Variants in MSH3 observed in about 807,000 individuals in gnomAD.
MSH3 encodes the protein DNA mismatch repair protein Msh3.
In MSH3, 106 loss-of-function variants were observed where a neutral mutation model predicts 123.3. The observed-to-expected ratio is 0.86, with a 90% CI of 0.73 to 1.01. The LOEUF (loss-of-function observed/expected upper bound fraction) is 1.01. MSH3 is among the 50% of genes least tolerant of loss of function. MSH3 has a pLI of 0.00. For missense variants in MSH3, 1,459 were observed against 1,347.6 expected (o/e 1.08, Z -1.29); for synonymous variants, 515 against 481.4 (o/e 1.07, Z -0.91).
intron 8 of MSH3, among the ~76,000 whole-genome samples, chr5:80,706,414 T>A (rs1750724820): frequency 6.6e-6 from 1 of 152,256 alleles, no homozygotes; most frequent in African/African-American, 2.4e-5. Flanking sequence ...TTGCTAGTCC[T>A]CTTCAGGATT....
At chr5:80,753,218 T>G (rs1461333333) in intron 12 of MSH3, among the ~76,000 whole-genome samples, 1 of 152,048 alleles carries the variant, frequency 6.6e-6, no homozygotes, top group African/African-American at 2.4e-5. Context: ...TTCCAGCACA[T>G]CTTGCATTAG....
intron 8 of MSH3, among the ~76,000 whole-genome samples, chr5:80,711,234 C>T (rs1435006635): frequency 6.6e-6 from 1 of 152,160 alleles, no homozygotes; most frequent in Non-Finnish European, 1.5e-5. Context: ...ATGGAGTTCC[C>T]ATAGTGGGGA....
chr5:80,659,162 A>T (rs1048441889), intron 2 of MSH3, among the ~76,000 whole-genome samples: 3 of 151,780 alleles, frequency 2.0e-5, no homozygotes, highest in Non-Finnish European at 2.9e-5. Context: ...TGAGTCTGGA[A>T]GGTGGAGGTT....
chr5:80,851,819 T>G (rs552532922), intron 20 of MSH3, among the ~76,000 whole-genome samples: 64 of 152,328 alleles, frequency 4.2e-4, no homozygotes, highest in African/African-American at 1.5e-3. Flanking sequence ...AGCTAGCATC[T>G]TTTTCATTGA....
At chr5:80,829,672 A>T (rs1477711410) in intron 20 of MSH3, among the ~76,000 whole-genome samples, 1 of 152,164 alleles carries the variant, frequency 6.6e-6, no homozygotes, top group Non-Finnish European at 1.5e-5. Context: ...ATCTATGTTC[A>T]TGAGAGATAT....
At chr5:80,770,651 TC>T (rs1340891374) in intron 15 of MSH3, among the ~76,000 whole-genome samples, 6 of 152,200 alleles carry the variant, frequency 3.9e-5, no homozygotes, top group African/African-American at 1.2e-4. Flanking sequence ...TCTGCCAGAC[TC>T]TAGTCTTTCT....
At chr5:80,689,829 C>T (rs1750187752) in intron 8 of MSH3, among the ~76,000 whole-genome samples, 2 of 152,012 alleles carry the variant, frequency 1.3e-5, no homozygotes, top group South Asian at 4.2e-4. Flanking sequence ...CAGTATTCTC[C>T]ACCAGATCCT....
At position 80,701,834 on chromosome 5, in the gene MSH3, T is replaced by C. The variant is rs373099278; in HGVS notation, c.1340+22741T>C. On this transcript the variant is annotated intron_variant, in intron 8 of 23. Coordinates refer to ENST00000265081, the MANE Select transcript of MSH3 (RefSeq NM_002439.5). ...TGCTTGCTTTGAGATTATTTTCTTA[T>C]CTCTTGTTTTCAGGCCAGGAATTTC... is the stretch of plus-strand genomic sequence containing the variant. Among the ~76,000 whole-genome samples, 16 of 152,236 alleles carry C rather than the reference T, an allele frequency of 1.1e-4. 1 individual carries two copies. Among genetic ancestry groups the C allele is most frequent in the African/African-American group, 3.9e-4 (16 of 41,554 alleles).
chr5:80,839,713 C>G (rs762623945), intron 20 of MSH3, among the ~76,000 whole-genome samples: 17 of 152,122 alleles, frequency 1.1e-4, no homozygotes, highest in Admixed American at 1.3e-4. Context: ...TGATAGCCTT[C>G]TATATATATT....
chr5:80,801,598 A>G (rs1385928755), intron 19 of MSH3, among the ~76,000 whole-genome samples: 1 of 152,218 alleles, frequency 6.6e-6, no homozygotes, highest in African/African-American at 2.4e-5. Flanking sequence ...TGTCTCTACA[A>G]CAGTATCCCC....
chr5:80,857,917 C>G (rs528578549), intron 21 of MSH3, among the ~76,000 whole-genome samples: 2 of 152,046 alleles, frequency 1.3e-5, no homozygotes, highest in Admixed American at 1.3e-4. Flanking sequence ...TATCTCTTTT[C>G]TTTTGCTTAT....
chr5:80,825,657 C>T (rs1745280080), intron 20 of MSH3, among the ~76,000 whole-genome samples: 1 of 152,126 alleles, frequency 6.6e-6, no homozygotes, highest in East Asian at 1.9e-4. Context: ...TCCAAGGAGG[C>T]TGTACCAGCT....
rs1191216180 is a variant in MSH3, at chr5:80,691,670, CAAT to C, written c.1340+12583_1340+12585del. 7.4e-5 allele frequency among the ~76,000 whole-genome samples: 11 copies of C among 149,244 alleles called. No individual in the cohort carries two copies. In the South Asian group the frequency reaches 2.3e-3, roughly 31 times the overall value. On this transcript the variant is annotated intron_variant, in intron 8 of 23. Transcript: ENST00000265081. ...CTTTTAAAAAGATAGATCAAAGGGCCAATAATAAGTAAGACAGCACTGAAAGAC... is the reference window on the plus strand; with the variant it reads ...CTTTTAAAAAGATAGATCAAAGGGCCAATAAGTAAGACAGCACTGAAAGAC...
chr5:80,818,933 A>T (rs1288441247), intron 20 of MSH3, among the ~76,000 whole-genome samples: 1 of 152,196 alleles, frequency 6.6e-6, no homozygotes, highest in Non-Finnish European at 1.5e-5. Flanking sequence ...AAGAGATAAG[A>T]TCCCTCGTGT....
chr5:80,875,917 A>C lies in MSH3; in HGVS notation c.*55A>C, dbSNP rs896110227. 2.2e-5 allele frequency: 23 copies of C among 1,057,530 alleles called. No individual in the cohort carries two copies. The East Asian group carries it at 5.2e-4, about 24-fold the overall frequency. 65.5% of individuals were successfully genotyped at this position (1,057,530 alleles called of 1,614,324 possible). A position where few individuals can be genotyped will look rare whatever the true frequency, so the allele number is the denominator to read the frequency against. On this transcript the variant is annotated 3_prime_UTR_variant, in exon 24 of 24. Coordinates refer to ENST00000265081, the MANE Select transcript of MSH3 (RefSeq NM_002439.5). ...GGAGAATTAAAAATACCAACTGTAC[A>C]AAATAACTCTCCAGTAACAGCCTAT...
At chr5:80,750,107 G>GTGTGTGTGTGTA (rs1463223999) in intron 12 of MSH3, among the ~76,000 whole-genome samples, 3 of 151,258 alleles carry the variant, frequency 2.0e-5, no homozygotes, top group Admixed American at 6.6e-5. Flanking sequence ...GTGTGTGTGT[G>GTGTGTGTGTGTA]TGTGTCACAT....
chr5:80,672,259 C>T lies in MSH3; in HGVS notation c.808C>T (p.Leu270Phe), dbSNP rs376434836. 23 of 1,612,750 alleles carry T rather than the reference C, an allele frequency of 1.4e-5. No individual in the cohort carries two copies. The highest frequency in any genetic ancestry group is 1.9e-5 in the Non-Finnish European group (22 of 1,178,864). ...GEDAEIAARE[L>F]NIYCHLDHNF... ...CATTTTTTAGATTGCAGCCCGAGAG[C>T]TCAATATTTATTGCCATTTAGATCA... Residue 270 changes from leucine (L) to phenylalanine (F), a missense_variant, in exon 5 of 24, where the codon CTC becomes TTC. Leu to Phe is a conservative substitution (Grantham distance 22). Coordinates refer to ENST00000265081, the MANE Select transcript of MSH3 (RefSeq NM_002439.5).
intron 20 of MSH3, among the ~76,000 whole-genome samples, chr5:80,814,075 G>A (rs1387347427): frequency 1.3e-5 from 2 of 150,574 alleles, no homozygotes; most frequent in East Asian, 2.0e-4. Flanking sequence ...ACAGTGAGCC[G>A]AGGTCACACC....
At position 80,825,876 on chromosome 5, in the gene MSH3, A is replaced by C. The variant is rs746559174; in HGVS notation, c.2813+12135A>C. Among the ~76,000 whole-genome samples, 108 of 152,180 alleles carry C rather than the reference A, an allele frequency of 7.1e-4. 2 individuals carry two copies. The highest frequency in any genetic ancestry group is 6.5e-4 in the Admixed American group (10 of 15,270). ...AGGGACATTTTTTCTCTCCATGTGC[A>C]TACTGTGCCTGTTTACAAAAAGATT... is the stretch of plus-strand genomic sequence containing the variant. On this transcript the variant is annotated intron_variant, in intron 20 of 23. Transcript: ENST00000265081.
Sources: gnomAD v4.1 joint callset for allele counts (sites outside exome capture counted in the v4.1 genomes callset) on GRCh38, gnomAD v4.1.1 for gene constraint, MANE v1.5 for transcripts, NCBI Gene and HGNC (gene_info 2026-07-23, HGNC 2026-07-21) for gene names.